The following GRIN2A variants were observed in gnomAD, a reference collection of about 807,000 sequenced individuals.
GRIN2A encodes glutamate receptor ionotropic, NMDA 2A.
GRIN2A carries 22 observed loss-of-function variants against 113.4 expected under a neutral mutation model. The ratio of observed to expected loss-of-function variants is 0.19; its 90% CI spans 0.14 to 0.28. GRIN2A has a LOEUF of 0.28. GRIN2A is among the 10% of genes least tolerant of loss of function. GRIN2A has a pLI of 1.00. For missense variants in GRIN2A, 1,502 were observed against 1,887.0 expected (o/e 0.80, Z 3.78); for synonymous variants, 827 against 738.4 (o/e 1.12, Z -1.94).
intron 2 of GRIN2A, among the ~76,000 whole-genome samples, chr16:10,046,224 A>T (rs1055058956): frequency 4.6e-5 from 7 of 152,164 alleles, no homozygotes; most frequent in African/African-American, 1.7e-4. Flanking sequence ...AAGAAGCTAC[A>T]AAACTGAAAG....
intron 2 of GRIN2A, among the ~76,000 whole-genome samples, chr16:9,977,576 A>C (rs1017494650): frequency 7.2e-5 from 11 of 152,146 alleles, no homozygotes; most frequent in Non-Finnish European, 2.9e-5. Flanking sequence ...CGTACCACCC[A>C]CTCCAAAGCT....
chr16:9,944,272 T>C (rs2044962634), intron 2 of GRIN2A, among the ~76,000 whole-genome samples: 1 of 152,210 alleles, frequency 6.6e-6, no homozygotes, highest in African/African-American at 2.4e-5. Context: ...CATTTCAACA[T>C]ATTTTATTTC....
intron 4 of GRIN2A, among the ~76,000 whole-genome samples, chr16:9,859,064 T>C (rs1011631394): frequency 5.3e-5 from 8 of 152,154 alleles, no homozygotes; most frequent in Non-Finnish European, 1.2e-4. Flanking sequence ...CCATGTCTCA[T>C]GCTGCCTACA....
At chr16:10,182,533 G>A (rs2050291425), upstream of GRIN2A, 1 of 152,188 alleles carries the variant, frequency 6.6e-6, no homozygotes, top group African/African-American at 2.4e-5. Flanking sequence ...CCCCGAGGGA[G>A]GTGGATCTTT....
At chr16:9,796,953 C>G (rs1334943801) in intron 11 of GRIN2A, among the ~76,000 whole-genome samples, 1 of 152,230 alleles carries the variant, frequency 6.6e-6, no homozygotes, top group African/African-American at 2.4e-5. Context: ...TTCAAAGACT[C>G]ACATGTTCTC....
intron 4 of GRIN2A, among the ~76,000 whole-genome samples, chr16:9,865,515 A>G (rs1484884496): frequency 1.3e-5 from 2 of 152,230 alleles, no homozygotes; most frequent in African/African-American, 4.8e-5. Context: ...AAGTTCAACT[A>G]TGATACTTAT....
At chr16:9,997,624 G>C (rs1329300735) in intron 2 of GRIN2A, among the ~76,000 whole-genome samples, 1 of 152,088 alleles carries the variant, frequency 6.6e-6, no homozygotes, top group African/African-American at 2.4e-5. Context: ...TCAAACCTCT[G>C]TCTATGCATT....
chr16:9,973,697 G>A (rs1025345553), intron 2 of GRIN2A, among the ~76,000 whole-genome samples: 3 of 151,984 alleles, frequency 2.0e-5, no homozygotes, highest in African/African-American at 7.3e-5. Context: ...ATTATATATA[G>A]AGAACAATGA....
chr16:9,868,895 T>C (rs2043208434), intron 4 of GRIN2A, among the ~76,000 whole-genome samples: 1 of 152,164 alleles, frequency 6.6e-6, no homozygotes, highest in African/African-American at 2.4e-5. Context: ...ACTCTCTGCC[T>C]GGCACTCTCC....
chr16:10,073,810 G>T (rs1019584664), intron 2 of GRIN2A, among the ~76,000 whole-genome samples: 1 of 151,752 alleles, frequency 6.6e-6, no homozygotes, highest in Non-Finnish European at 1.5e-5. Context: ...CAGCTACTCA[G>T]GAGGCTGAGG....
At chr16:9,833,315 T>C (rs1036126348) in intron 8 of GRIN2A, among the ~76,000 whole-genome samples, 2 of 152,216 alleles carry the variant, frequency 1.3e-5, no homozygotes, top group African/African-American at 4.8e-5. Flanking sequence ...CCTCCTGGCA[T>C]CACCAACAGG....
At position 9,761,789 on chromosome 16, in the gene GRIN2A, CGACTCAGAAATGACAAATACT is replaced by C; in HGVS notation, c.*1339_*1359del. On this transcript the variant is annotated 3_prime_UTR_variant, in exon 13 of 13. Transcript: ENST00000330684. ...GAGAATAAGAATGGGATAATGCAGGCGACTCAGAAATGACAAATACTTTGAGGAATTTTTCCTACATCTCTG... is the reference window on the plus strand; with the variant it reads ...GAGAATAAGAATGGGATAATGCAGGCTTGAGGAATTTTTCCTACATCTCTG... The C allele has an allele frequency of 4.8e-6, 1 of 206,682 alleles. No homozygotes were observed. The highest frequency in any genetic ancestry group is 9.9e-6 in the Non-Finnish European group (1 of 101,416). The allele number at this position is 206,682 out of a possible 1,614,324, so 12.8% of individuals were successfully genotyped here.
chr16:9,933,830 T>C (rs2141616717), intron 3 of GRIN2A, among the ~76,000 whole-genome samples: 1 of 152,340 alleles, frequency 6.6e-6, no homozygotes, highest in African/African-American at 2.4e-5. Flanking sequence ...TAAATGCAAT[T>C]GAATTATCTT....
At position 9,984,946 on chromosome 16, in the gene GRIN2A, T is replaced by C; in HGVS notation, c.415-46395A>G. On this transcript the variant is annotated intron_variant, in intron 2 of 12. Transcript: ENST00000330684. ...TTCCCTAATAAACGTATCTGCGATA[T>C]GACACTCCTTCAGCTACAAACACAC... Among the ~76,000 whole-genome samples, 2 of 152,176 alleles carry C rather than the reference T, an allele frequency of 1.3e-5. 1 individual carries two copies. The highest frequency in any genetic ancestry group is 2.9e-5 in the Non-Finnish European group (2 of 68,034).
rs531556610 is a variant in GRIN2A, at chr16:9,788,252, C to T, written c.2356+10025G>A. ...TCTCTTCTCTCTCCTTACTTTTTGA[C>T]TCTATTTTTTTTCTTTTTTTTTGGG... On this transcript the variant is annotated intron_variant, in intron 11 of 12. Coordinates refer to ENST00000330684, the MANE Select transcript of GRIN2A (RefSeq NM_001134407.3). 2.0e-5 allele frequency among the ~76,000 whole-genome samples: 3 copies of T among 151,698 alleles called. No homozygotes were observed. The South Asian group carries it at 6.3e-4, about 32-fold the overall frequency.
At chr16:10,031,163 C>T (rs1189070757) in intron 2 of GRIN2A, among the ~76,000 whole-genome samples, 1 of 152,192 alleles carries the variant, frequency 6.6e-6, no homozygotes, top group East Asian at 1.9e-4. Context: ...AAATAAAATA[C>T]GTAAATCCTC....
chr16:9,943,089 A>G (rs2141649791), intron 2 of GRIN2A: 1 of 151,050 alleles, frequency 6.6e-6, no homozygotes, highest in Non-Finnish European at 1.5e-5. Context: ...CATCCTTTCC[A>G]CTCCCTGTCT....
intron 4 of GRIN2A, among the ~76,000 whole-genome samples, chr16:9,872,839 G>C (rs961440053): frequency 6.6e-6 from 1 of 151,848 alleles, no homozygotes; most frequent in Non-Finnish European, 1.5e-5. Flanking sequence ...AGACTAGCCT[G>C]AGTAACATGG....
chr16:9,874,107 G>A (rs145825567), intron 4 of GRIN2A, among the ~76,000 whole-genome samples: 5 of 152,200 alleles, frequency 3.3e-5, no homozygotes, highest in Admixed American at 6.5e-5. Context: ...TCACATCCAG[G>A]GAAGTCAAGA....
Sources: allele counts gnomAD v4.1 joint callset (sites outside exome capture counted in the v4.1 genomes callset), GRCh38; gene constraint gnomAD v4.1.1; transcripts MANE v1.5; gene names NCBI Gene and HGNC (gene_info 2026-07-23, HGNC 2026-07-21).